The following MNDA variants were observed in gnomAD, a reference collection of about 807,000 sequenced individuals.
MNDA encodes myeloid cell nuclear differentiation antigen, also known as epididymis secretory sperm binding protein.
In MNDA, 43 loss-of-function variants were observed where a neutral mutation model predicts 37.8. That is an observed-to-expected ratio of 1.14 (90% CI 0.89 to 1.47). MNDA has a LOEUF of 1.47. Ranked by LOEUF, MNDA falls within the 40% of genes most tolerant of loss-of-function variation. The pLI, the probability that MNDA is intolerant of heterozygous loss-of-function variation, is 0.00. For synonymous variants in MNDA, 181 were observed against 169.0 expected (o/e 1.07, Z -0.55); for missense variants, 536 against 476.0 (o/e 1.13, Z -1.17).
chr1:158,845,608 CG>C lies in MNDA; in HGVS notation c.594del (p.Gln199ArgfsTer14). ...FTPNQETQAQ[R>X]QVDARRNVPQ... ...ACAGAATCAGGAAACCCAGGCCCAA[CG>C]GCAGGTGGATGCAAGAAGAAATGTT... On this transcript the variant is annotated frameshift_variant, in exon 5 of 7. Transcript: ENST00000368141. LOFTEE classifies it high-confidence loss of function. The C allele has an allele frequency of 6.2e-7, 1 of 1,612,464 alleles. No homozygotes were observed.
chr1:158,843,445 A>G (rs781246114), intron 3 of MNDA, 30 bp downstream of exon 3: 19 of 1,565,420 alleles, frequency 1.2e-5, no homozygotes, highest in Non-Finnish European at 1.5e-5. Flanking sequence ...GCAGGACTGA[A>G]GCCTCACAGA....
chr1:158,834,393 C>G (rs928126164), intron 1 of MNDA, among the ~76,000 whole-genome samples: 1 of 151,954 alleles, frequency 6.6e-6, no homozygotes, highest in South Asian at 2.1e-4. Context: ...CCACCATGCC[C>G]GGCTAATTTT....
chr1:158,843,056 G>T (rs959843363), intron 2 of MNDA, among the ~76,000 whole-genome samples: 1 of 152,160 alleles, frequency 6.6e-6, no homozygotes, highest in Admixed American at 6.5e-5. Flanking sequence ...CACTGCAAAG[G>T]GGAGGAGTGA....
Position 158,845,870 on chromosome 1 carries a change from C to T in MNDA, c.854C>T (p.Ser285Phe), listed in dbSNP as rs1185345854. ...KGVMEIKEAS[S>F]VSDFNQNFEV... is the part of the protein sequence containing the mutation. The stretch of plus-strand genomic sequence containing the variant: ...GTAATGGAAATAAAGGAAGCATCAT[C>T]TGTGTCTGACTTTAATCAAAATTTT... The change falls in exon 5 of 7, where the codon TCT (serine) becomes TTT (phenylalanine). Residue 285 changes from serine (S) to phenylalanine (F), a missense_variant. Transcript: ENST00000368141. The T allele has an allele frequency of 1.2e-6, 2 of 1,614,184 alleles. No individual in the cohort carries two copies. Among genetic ancestry groups the T allele is most frequent in the Admixed American group, 3.3e-5 (2 of 60,018 alleles).
In MNDA at chr1:158,849,205, A is replaced by G; in HGVS notation, c.1192A>G (p.Lys398Glu). ...CTCTTTAAAGGTCATCAAGGCCAAG[A>G]AAAACAAGGAAGGACCAATGAATGT... Reference protein sequence around the residue: ...HSFIKVIKAKKNKEGPMNVN With the variant: ...HSFIKVIKAKENKEGPMNVN Residue 398 changes from lysine to glutamate, a missense_variant, in exon 7 of 7, where the codon AAA (lysine) becomes GAA (glutamate). Transcript: ENST00000368141. The G allele has an allele frequency of 6.2e-7, 1 of 1,612,146 alleles. No individual in the cohort carries two copies.
At position 158,845,604 on chromosome 1, in the gene MNDA, C is replaced by T; in HGVS notation, c.588C>T (p.Ala196=). ...CAACACAGAATCAGGAAACCCAGGC[C>T]CAACGGCAGGTGGATGCAAGAAGAA... ...TSFTPNQETQ[A]QRQVDARRNV... is the part of the protein sequence containing the mutation. Residue 196 remains alanine, a synonymous_variant, in exon 5 of 7, where the codon GCC becomes GCT. Coordinates refer to ENST00000368141, the MANE Select transcript of MNDA (RefSeq NM_002432.3). 1 of 1,612,224 alleles carries T rather than the reference C, an allele frequency of 6.2e-7. No homozygotes were observed. Among genetic ancestry groups the T allele is most frequent in the South Asian group, 1.1e-5 (1 of 90,868 alleles).
At chr1:158,846,657 T>C (rs1327788203) in intron 5 of MNDA, among the ~76,000 whole-genome samples, 1 of 152,206 alleles carries the variant, frequency 6.6e-6, no homozygotes, top group Non-Finnish European at 1.5e-5. Flanking sequence ...AGAGTTTTAT[T>C]GATATGTCCA....
intron 3 of MNDA, 50 bp from the exon 4 acceptor site, chr1:158,843,905 G>A: frequency 6.7e-7 from 1 of 1,486,018 alleles, no homozygotes. Context: ...AACTTGCTCT[G>A]CTTCTTTTGA....
chr1:158,831,695 A>C (rs910050118), intron 1 of MNDA, 138 bp downstream of exon 1: 1 of 152,204 alleles, frequency 6.6e-6, no homozygotes, highest in Admixed American at 6.5e-5. Flanking sequence ...TGAATGCTTT[A>C]ACTGTCTAGG....
intron 2 of MNDA, among the ~76,000 whole-genome samples, chr1:158,843,054 AG>A (rs559469445): frequency 2.6e-5 from 4 of 152,196 alleles, no homozygotes; most frequent in Non-Finnish European, 4.4e-5. Context: ...CTCACTGCAA[AG>A]GGGAGGAGTG....
chr1:158,847,801 G>T lies in MNDA; in HGVS notation c.1061G>T (p.Gly354Val). 1 of 1,614,056 alleles carries T rather than the reference G, an allele frequency of 6.2e-7. No homozygotes were observed. Among genetic ancestry groups the T allele is most frequent in the South Asian group, 1.1e-5 (1 of 91,088 alleles). ...GGATCCATGGATGTAGTGGGGAGTG[G>T]AAAATGGCACAATATCAAGTGTGAG... ...NTGSMDVVGS[G>V]KWHNIKCEKG... The change falls in exon 6 of 7, where the codon GGA (glycine) becomes GTA (valine). Residue 354 changes from glycine (G) to valine (V), a missense_variant. By Grantham distance (109) the Gly-to-Val change is moderately radical (BLOSUM62 -3). Coordinates refer to ENST00000368141, the MANE Select transcript of MNDA (RefSeq NM_002432.3).
intron 5 of MNDA, among the ~76,000 whole-genome samples, chr1:158,847,173 G>A (rs535752564): frequency 6.6e-6 from 1 of 152,298 alleles, no homozygotes; most frequent in Non-Finnish European, 1.5e-5. Flanking sequence ...GGCTGGGAGG[G>A]AGGTGAGGGA....
At chr1:158,842,529 C>A in intron 2 of MNDA, 111 bp downstream of exon 2, 1 of 1,194,236 alleles carries the variant, frequency 8.4e-7, no homozygotes, top group Non-Finnish European at 1.2e-6. Context: ...TATAACTCAG[C>A]AGTCATGGGG....
intron 5 of MNDA, among the ~76,000 whole-genome samples, chr1:158,846,227 C>T (rs1327410030): frequency 6.6e-6 from 1 of 152,128 alleles, no homozygotes; most frequent in Admixed American, 6.5e-5. Context: ...GAAATATTGG[C>T]AGTAATGATC....
intron 1 of MNDA, among the ~76,000 whole-genome samples, chr1:158,835,619 G>T (rs1190914108): frequency 3.8e-5 from 3 of 78,704 alleles, no homozygotes; most frequent in Non-Finnish European, 5.3e-5. Context: ...TTTTGGTGGG[G>T]GCGGGGGGTG....
At position 158,842,346 on chromosome 1, in the gene MNDA, CT is replaced by C; in HGVS notation, c.194del (p.Leu65GlnfsTer2). 6.2e-7 allele frequency: 1 copy of C among 1,614,000 alleles called. No individual in the cohort carries two copies. Among genetic ancestry groups the C allele is most frequent in the Non-Finnish European group, 8.5e-7 (1 of 1,179,962 alleles). ...KFQGVACLDK[L>X]IELAKDMPSL... Reference sequence around the variant, plus strand: ...CCAAGGCGTTGCCTGTCTAGACAAACTAATAGAACTTGCCAAAGATATGCCA... The same window carrying C: ...CCAAGGCGTTGCCTGTCTAGACAAACAATAGAACTTGCCAAAGATATGCCA... On this transcript the variant is annotated frameshift_variant, in exon 2 of 7. Coordinates refer to ENST00000368141, the MANE Select transcript of MNDA (RefSeq NM_002432.3). LOFTEE classifies it high-confidence loss of function.
At position 158,842,405 on chromosome 1, in the gene MNDA, A is replaced by G; in HGVS notation, c.252A>G (p.Lys84=). The G allele has an allele frequency of 6.2e-7, 1 of 1,611,286 alleles. No homozygotes were observed. The highest frequency in any genetic ancestry group is 2.2e-5 in the East Asian group (1 of 44,850). The change falls in exon 2 of 7, where the codon AAA becomes AAG. Residue 84 remains lysine, a synonymous_variant. Transcript: ENST00000368141. ...AAAACCTTGTTAACAATCTTCGAAA[A>G]GAGAAGTCAAAAGGTAATAGAGAAA... ...SLKNLVNNLR[K]EKSKVAKKIK...
chr1:158,842,419 G>A lies in MNDA; in HGVS notation c.265+1G>A, dbSNP rs757867911. The A allele has an allele frequency of 6.2e-7, 1 of 1,608,050 alleles. No individual in the cohort carries two copies. Among genetic ancestry groups the A allele is most frequent in the Non-Finnish European group, 8.5e-7 (1 of 1,177,664 alleles). On this transcript the variant is annotated splice_donor_variant, in intron 2 of 6. Coordinates refer to ENST00000368141, the MANE Select transcript of MNDA (RefSeq NM_002432.3). LOFTEE classifies it high-confidence loss of function. Reference sequence around the variant, plus strand: ...AATCTTCGAAAAGAGAAGTCAAAAGGTAATAGAGAAAACCTTGCACATAGC... The same window carrying A: ...AATCTTCGAAAAGAGAAGTCAAAAGATAATAGAGAAAACCTTGCACATAGC...
chr1:158,847,347 C>G (rs1267534857), intron 5 of MNDA, among the ~76,000 whole-genome samples: 2 of 152,138 alleles, frequency 1.3e-5, no homozygotes, highest in African/African-American at 4.8e-5. Context: ...TGAAATTCCT[C>G]ATAATCTACT....
Sources: allele counts gnomAD v4.1 joint callset (sites outside exome capture counted in the v4.1 genomes callset), GRCh38; gene constraint gnomAD v4.1.1; transcripts MANE v1.5; gene names NCBI Gene and HGNC (gene_info 2026-07-23, HGNC 2026-07-21).